FANCI: variants seen among roughly 807,000 people sequenced by gnomAD.
FANCI encodes the protein FA complementation group I.
A neutral mutation model predicts 176.1 loss-of-function variants in FANCI; 156 were observed. The ratio of observed to expected loss-of-function variants is 0.89; its 90% CI spans 0.78 to 1.01. The LOEUF is 1.01. Among genes scored for constraint, FANCI ranks in the 50% least tolerant of loss-of-function variants. FANCI has a pLI of 0.00. For synonymous variants in FANCI, 613 were observed against 541.7 expected (o/e 1.13, Z -1.83); for missense variants, 1,678 against 1,534.1 (o/e 1.09, Z -1.57).
At position 89,316,607 on chromosome 15, in the gene FANCI, A is replaced by G; in HGVS notation, c.*148A>G. On this transcript the variant is annotated 3_prime_UTR_variant, in exon 38 of 38. Transcript: ENST00000310775. ...TCAACTGCACCTTCAGTTAGAAGGA[A>G]TCTTCTTGGCAGGTCCTGCTACTGA... 9.1e-7 allele frequency: 1 copy of G among 1,104,412 alleles called. No individual in the cohort carries two copies. The highest frequency in any genetic ancestry group is 1.3e-5 in the South Asian group (1 of 77,002). The allele number at this position is 1,104,412 out of a possible 1,614,324, so 68.4% of individuals were successfully genotyped here. A position where few individuals can be genotyped will look rare whatever the true frequency, so the allele number is the denominator to read the frequency against.
rs79622975 is a variant in FANCI at position 89,262,099 on chromosome 15, G to A, written c.503+221G>A. Among the ~76,000 whole-genome samples the A allele has an allele frequency of 0.015, 2,280 of 152,182 alleles. 61 individuals are homozygous for A. The highest frequency in any genetic ancestry group is 0.053 in the African/African-American group (2,185 of 41,514). On this transcript the variant is annotated intron_variant, in intron 6 of 37. Coordinates refer to ENST00000310775, the MANE Select transcript of FANCI (RefSeq NM_001113378.2). Reference sequence around the variant, plus strand: ...TTCATATAGTTTTATTTGCTTGACTGTATCTTCTTACAGCAATTTAGTGTG... The same window carrying A: ...TTCATATAGTTTTATTTGCTTGACTATATCTTCTTACAGCAATTTAGTGTG...
intron 36 of FANCI, among the ~76,000 whole-genome samples, chr15:89,315,054 C>G (rs2055167543): frequency 6.6e-6 from 1 of 152,098 alleles, no homozygotes; most frequent in Non-Finnish European, 1.5e-5. Context: ...AGTGATCCTT[C>G]CACCTTGGCC....
chr15:89,278,214 ACAATT>A (rs772539743), intron 13 of FANCI, among the ~76,000 whole-genome samples: 12 of 152,234 alleles, frequency 7.9e-5, no homozygotes, highest in Non-Finnish European at 1.3e-4. Flanking sequence ...AATTTTAACT[ACAATT>A]CAAGTGAAAA....
intron 13 of FANCI, 38 bp downstream of exon 13, chr15:89,276,929 T>G: frequency 1.9e-6 from 3 of 1,609,502 alleles, no homozygotes; most frequent in Non-Finnish European, 2.6e-6. Flanking sequence ...CTAATTTTGT[T>G]TAAATAATCC....
Position 89,273,562 on chromosome 15 carries a change from C to T in FANCI, c.975+93C>T, listed in dbSNP as rs547430360. The stretch of plus-strand genomic sequence containing the variant: ...CACAGTAATCTGTTTTTGTTGTATC[C>T]GTTCCTAAACAATTTTATCCCCTTC... On this transcript the variant is annotated intron_variant, in intron 11 of 37. Coordinates refer to ENST00000310775, the MANE Select transcript of FANCI (RefSeq NM_001113378.2). 39 of 794,904 alleles carry T rather than the reference C, an allele frequency of 4.9e-5. No individual in the cohort carries two copies. In the East Asian group the frequency reaches 6.0e-4, roughly 12 times the overall value. 49.2% of individuals were successfully genotyped at this position (794,904 alleles called of 1,614,324 possible).
intron 35 of FANCI, among the ~76,000 whole-genome samples, chr15:89,313,404 C>G (rs554303631): frequency 6.6e-6 from 1 of 152,146 alleles, no homozygotes; most frequent in African/African-American, 2.4e-5. Context: ...TATTTTTCCT[C>G]TGAACCAAAA....
At chr15:89,274,931 G>T (rs1423638856) in intron 12 of FANCI, among the ~76,000 whole-genome samples, 1 of 152,036 alleles carries the variant, frequency 6.6e-6, no homozygotes, top group Non-Finnish European at 1.5e-5. Context: ...AAAGGAAACA[G>T]TCTCACTATG....
intron 22 of FANCI, 86 bp from the exon 23 acceptor site, chr15:89,293,744 AAAG>A: frequency 2.4e-6 from 3 of 1,224,586 alleles, no homozygotes; most frequent in Non-Finnish European, 3.6e-6. Flanking sequence ...TATGACATTT[AAAG>A]AAGCATTGTG....
intron 24 of FANCI, among the ~76,000 whole-genome samples, chr15:89,296,377 G>A (rs2054272849): frequency 6.6e-6 from 1 of 152,028 alleles, no homozygotes; most frequent in African/African-American, 2.4e-5. Context: ...CAAAGTGCTG[G>A]GATTACAGGC....
At chr15:89,315,927 GGTTT>G (rs1380157574) in intron 37 of FANCI, among the ~76,000 whole-genome samples, 3 of 152,106 alleles carry the variant, frequency 2.0e-5, no homozygotes, top group African/African-American at 7.2e-5. Flanking sequence ...TTTCATCTTA[GGTTT>G]GTCTAATAAG....
At chr15:89,281,450 A>T (rs577981028) in intron 15 of FANCI, 150 bp downstream of exon 15, 2 of 944,326 alleles carry the variant, frequency 2.1e-6, no homozygotes, top group East Asian at 5.2e-5. Context: ...GGGCAAGAGC[A>T]TTGAGCAAGA....
At chr15:89,311,484 A>T (rs1334833485) in intron 34 of FANCI, among the ~76,000 whole-genome samples, 2 of 148,934 alleles carry the variant, frequency 1.3e-5, no homozygotes, top group African/African-American at 5.2e-5. Flanking sequence ...TGGAATGGGC[A>T]GGGAACAGGG....
chr15:89,300,048 A>G, intron 25 of FANCI, 82 bp downstream of exon 25: 1 of 1,493,284 alleles, frequency 6.7e-7, no homozygotes, highest in Non-Finnish European at 9.3e-7. Flanking sequence ...TTAACCTACC[A>G]GAAGACACTT....
Position 89,292,729 on chromosome 15 carries a change from T to C in FANCI, c.2034T>C (p.Tyr678=). The C allele has an allele frequency of 6.2e-7, 1 of 1,613,894 alleles. No individual in the cohort carries two copies. The highest frequency in any genetic ancestry group is 8.5e-7 in the Non-Finnish European group (1 of 1,179,970). ...GTATTCAGCATTGTTTGGCCTGGTATAAGAATACAGTCATACCCTTACAGC... is the reference window on the plus strand; with the variant it reads ...GTATTCAGCATTGTTTGGCCTGGTACAAGAATACAGTCATACCCTTACAGC... ...LCCIQHCLAW[Y]KNTVIPLQQG... Residue 678 remains tyrosine, a synonymous_variant, in exon 21 of 38, where the codon TAT becomes TAC. Transcript: ENST00000310775.
In FANCI at chr15:89,316,839, T is replaced by C; in HGVS notation, c.*380T>C. On this transcript the variant is annotated 3_prime_UTR_variant, in exon 38 of 38. Coordinates refer to ENST00000310775, the MANE Select transcript of FANCI (RefSeq NM_001113378.2). ...ATCCAGCGCTTCACCTGAAAGATAG[T>C]GCAAATTGGTTAGGATGCCACCTCA... 1 of 1,603,904 alleles carries C rather than the reference T, an allele frequency of 6.2e-7. No homozygotes were observed. The highest frequency in any genetic ancestry group is 8.5e-7 in the Non-Finnish European group (1 of 1,170,730).
At chr15:89,263,487 T>G (rs1166264742) in intron 7 of FANCI, 27 bp downstream of exon 7, 1 of 1,587,688 alleles carries the variant, frequency 6.3e-7, no homozygotes, top group South Asian at 1.1e-5. Context: ...CCCTTTTCTT[T>G]GTGTATCCTG....
intron 9 of FANCI, among the ~76,000 whole-genome samples, chr15:89,267,784 G>C (rs1016124540): frequency 6.6e-6 from 1 of 152,068 alleles, no homozygotes; most frequent in Admixed American, 6.5e-5. Flanking sequence ...AAAATTAGCC[G>C]GGCATAGTGG....
intron 3 of FANCI, 37 bp from the exon 4 acceptor site, chr15:89,260,676 A>C (rs1350042214): frequency 1.9e-6 from 3 of 1,610,418 alleles, no homozygotes; most frequent in Non-Finnish European, 2.5e-6. Flanking sequence ...TCAATGTTGT[A>C]AGACTTGTTT....
Position 89,289,460 on chromosome 15 carries a change from A to C in FANCI, c.1822-753A>C, listed in dbSNP as rs147857078. On this transcript the variant is annotated intron_variant, in intron 18 of 37. Coordinates refer to ENST00000310775, the MANE Select transcript of FANCI (RefSeq NM_001113378.2). Reference sequence around the variant, plus strand: ...GCTGGGATCACAGGCGTGCATCACCATGCCTGGCTAATTTTTATATTTTTA... The same window carrying C: ...GCTGGGATCACAGGCGTGCATCACCCTGCCTGGCTAATTTTTATATTTTTA... 2.6e-3 allele frequency among the ~76,000 whole-genome samples: 401 copies of C among 152,032 alleles called. 8 individuals carry two copies. Among genetic ancestry groups the C allele is most frequent in the East Asian group, 0.015 (77 of 5,148 alleles).
Sources: allele counts gnomAD v4.1 joint callset (sites outside exome capture counted in the v4.1 genomes callset), GRCh38; gene constraint gnomAD v4.1.1; transcripts MANE v1.5; gene names NCBI Gene and HGNC (gene_info 2026-07-23, HGNC 2026-07-21).